IRGM: variants seen among roughly 807,000 people sequenced by gnomAD.
IRGM encodes immunity-related GTPase family M protein.
For missense variants in IRGM, 288 were observed against 219.9 expected (o/e 1.31, Z -1.96); for synonymous variants, 98 against 80.6 (o/e 1.22, Z -1.16).
chr5:150,883,602 C>T (rs1252833400), intron 3 of IRGM, among the ~76,000 whole-genome samples: 3 of 151,906 alleles, frequency 2.0e-5, no homozygotes, highest in Admixed American at 6.6e-5. Flanking sequence ...TATGAGACTA[C>T]TATGAACAAT....
chr5:150,848,751 C>T, downstream of IRGM: 1 of 998,856 alleles, frequency 1.0e-6, no homozygotes, highest in Non-Finnish European at 1.5e-6. Context: ...TGAAACACAC[C>T]TGGTGCAGAA....
At chr5:150,858,243 C>G (rs1204463371) in intron 1 of IRGM, among the ~76,000 whole-genome samples, 1 of 151,390 alleles carries the variant, frequency 6.6e-6, no homozygotes, top group Admixed American at 6.6e-5. Flanking sequence ...TGTAGATATG[C>G]GGCATTATTT....
intron 1 of IRGM, among the ~76,000 whole-genome samples, chr5:150,858,651 A>C (rs552122416): frequency 8.6e-4 from 130 of 151,766 alleles, no homozygotes; most frequent in African/African-American, 2.9e-3. Context: ...CATCCCTTGT[A>C]AGTTGGATTC....
intron 1 of IRGM, among the ~76,000 whole-genome samples, chr5:150,871,602 G>A (rs1030596201): frequency 6.6e-6 from 1 of 152,176 alleles, no homozygotes; most frequent in African/African-American, 2.4e-5. Flanking sequence ...TCCCTTTGGG[G>A]GATAAACCTG....
At chr5:150,857,423 T>C (rs1581641457) in intron 1 of IRGM, among the ~76,000 whole-genome samples, 1 of 152,246 alleles carries the variant, frequency 6.6e-6, no homozygotes, top group African/African-American at 2.4e-5. Context: ...GCATGATTTA[T>C]ATTCCTTTGG....
intron 3 of IRGM, among the ~76,000 whole-genome samples, chr5:150,891,906 A>C (rs1029194925): frequency 1.3e-5 from 2 of 152,244 alleles, no homozygotes; most frequent in Middle Eastern, 3.4e-3. Flanking sequence ...TTTTTTGGCA[A>C]ACTAGCAAAA....
At chr5:150,871,949 C>T (rs150785173) in intron 1 of IRGM, among the ~76,000 whole-genome samples, 1 of 152,072 alleles carries the variant, frequency 6.6e-6, no homozygotes, top group Non-Finnish European at 1.5e-5. Context: ...TCATACAATC[C>T]CATGATAGAT....
chr5:150,855,075 TC>T (rs1023865114), intron 1 of IRGM, among the ~76,000 whole-genome samples: 1 of 152,154 alleles, frequency 6.6e-6, no homozygotes, highest in Non-Finnish European at 1.5e-5. Context: ...GTTTGGAGGT[TC>T]TTAGCTTACC....
intron 3 of IRGM, among the ~76,000 whole-genome samples, chr5:150,890,049 T>C (rs2113298752): frequency 6.6e-6 from 1 of 152,196 alleles, no homozygotes; most frequent in South Asian, 2.1e-4. Flanking sequence ...GAACTATCCC[T>C]TCCTCTTCAA....
Position 150,864,130 on chromosome 5 carries a change from A to G in IRGM, c.159-13850A>G, listed in dbSNP as rs759856140. Among the ~76,000 whole-genome samples the G allele has an allele frequency of 3.9e-5, 6 of 152,138 alleles. No homozygotes were observed. In the South Asian group the frequency reaches 1.2e-3, roughly 31 times the overall value. On this transcript the variant is annotated intron_variant and NMD_transcript_variant, in intron 1 of 3. Transcript: ENST00000520549. ...GCTGGAATCTATCCAGGGTCCCAAG[A>G]AAACAAAAGGGCTACAGGACAAAAT... is the stretch of plus-strand genomic sequence containing the variant.
At chr5:150,888,381 T>C (rs1487601844) in intron 3 of IRGM, among the ~76,000 whole-genome samples, 1 of 152,028 alleles carries the variant, frequency 6.6e-6, no homozygotes, top group Non-Finnish European at 1.5e-5. Context: ...TCCACTGATA[T>C]TGTTAGATAG....
At chr5:150,901,312 C>A (rs964526852), downstream of IRGM, among the ~76,000 whole-genome samples, 5 of 152,044 alleles carry the variant, frequency 3.3e-5, no homozygotes, top group African/African-American at 1.2e-4. Context: ...CAATAATATA[C>A]ATTTATTCCC....
chr5:150,886,444 C>T (rs1754523746), intron 3 of IRGM, among the ~76,000 whole-genome samples: 1 of 151,940 alleles, frequency 6.6e-6, no homozygotes, highest in African/African-American at 2.4e-5. Context: ...CCCTCATCCT[C>T]AATTTTTTGG....
intron 1 of IRGM, among the ~76,000 whole-genome samples, chr5:150,862,574 A>C (rs144304999): frequency 6.6e-6 from 1 of 152,324 alleles, no homozygotes; most frequent in East Asian, 1.9e-4. Context: ...AAGAATTGCC[A>C]TCTGATCTGC....
At chr5:150,864,695 C>T (rs971679134) in intron 1 of IRGM, among the ~76,000 whole-genome samples, 5 of 152,208 alleles carry the variant, frequency 3.3e-5, no homozygotes, top group Non-Finnish European at 7.3e-5. Flanking sequence ...GTTGGGTCTG[C>T]CCACAGATTT....
rs144137833 is a variant in IRGM, at chr5:150,874,984, G to A, written c.159-2996G>A. 5.7e-3 allele frequency among the ~76,000 whole-genome samples: 865 copies of A among 152,294 alleles called. 19 individuals carry two copies. Among genetic ancestry groups the A allele is most frequent in the African/African-American group, 0.02 (822 of 41,556 alleles). On this transcript the variant is annotated intron_variant and NMD_transcript_variant, in intron 1 of 3. Coordinates refer to the IRGM transcript ENST00000520549. ...CTGACCCATGTAGCCATAAAGTGGG[G>A]CACGCACAGCAGCATTCCATCATCA... is the stretch of plus-strand genomic sequence containing the variant.
At chr5:150,853,433 T>C (rs190186588), downstream of IRGM, among the ~76,000 whole-genome samples, 4 of 152,232 alleles carry the variant, frequency 2.6e-5, no homozygotes, top group East Asian at 7.7e-4. Flanking sequence ...GTGTTCTGCA[T>C]GTGTCCAATT....
At chr5:150,899,882 T>C (rs762316379) in intron 3 of IRGM, among the ~76,000 whole-genome samples, 3 of 152,172 alleles carry the variant, frequency 2.0e-5, no homozygotes, top group Admixed American at 6.6e-5. Flanking sequence ...ACTTTCAGAA[T>C]GAAAATGATT....
At chr5:150,888,079 C>CA (rs985582807) in intron 3 of IRGM, among the ~76,000 whole-genome samples, 26 of 150,326 alleles carry the variant, frequency 1.7e-4, no homozygotes, top group African/African-American at 2.9e-4. Flanking sequence ...CCCATAGTCT[C>CA]AAAAAAAAGG....
Sources: allele counts gnomAD v4.1 joint callset (sites outside exome capture counted in the v4.1 genomes callset), GRCh38; gene constraint gnomAD v4.1.1; transcripts MANE v1.5; gene names NCBI Gene and HGNC (gene_info 2026-07-23, HGNC 2026-07-21).